The following MEIG1 variants were observed in gnomAD, a reference collection of about 807,000 sequenced individuals.
The protein encoded by MEIG1 is meiosis expressed gene 1 protein homolog.
A neutral mutation model predicts 11.3 loss-of-function variants in MEIG1; 12 were observed. The observed-to-expected ratio is 1.07, with a 90% CI of 0.68 to 1.73. MEIG1 has a LOEUF of 1.73. Among genes scored for constraint, MEIG1 ranks in the 40% most tolerant of loss-of-function variants. The probability of loss-of-function intolerance (pLI) is 0.00; values close to 1 mark genes in which losing one functional copy is unlikely to be tolerated. For synonymous variants in MEIG1, 41 were observed against 33.2 expected, an observed-to-expected ratio of 1.24 and a Z score of -0.81; for missense variants, 119 against 104.9, an observed-to-expected ratio of 1.13 and a Z score of -0.59.
chr10:14,978,362 T>G (rs1169003062), intron 1 of MEIG1, among the ~76,000 whole-genome samples: 1 of 151,968 alleles, frequency 6.6e-6, no homozygotes, highest in Non-Finnish European at 1.5e-5. Context: ...AATATCACAG[T>G]GATTGTCCAC....
At chr10:14,987,203 G>A (rs1203793393) in intron 2 of MEIG1, 111 of 960,914 alleles carry the variant, frequency 1.2e-4, no homozygotes, top group Non-Finnish European at 1.6e-4. Context: ...CTTGGGAACC[G>A]TGGCCGAAGT....
At chr10:14,969,935 AACCTT>A (rs950188281) in intron 2 of MEIG1, among the ~76,000 whole-genome samples, 2 of 152,242 alleles carry the variant, frequency 1.3e-5, no homozygotes, top group African/African-American at 4.8e-5. Context: ...AGAACAATAA[AACCTT>A]ACACAAATCG....
chr10:14,972,489 T>C (rs1286594276), intron 2 of MEIG1, 24 bp from the exon 3 acceptor site: 1 of 1,613,810 alleles, frequency 6.2e-7, no homozygotes, highest in Non-Finnish European at 8.5e-7. Context: ...TTGTAACGTT[T>C]GTACTCTGGT....
chr10:14,975,677 C>G (rs1843202354), downstream of MEIG1, among the ~76,000 whole-genome samples: 1 of 151,972 alleles, frequency 6.6e-6, no homozygotes, highest in East Asian at 1.9e-4. Flanking sequence ...CTTAATATTC[C>G]AAGGGGGAGA....
chr10:14,971,325 GT>G (rs1843147887), intron 2 of MEIG1, among the ~76,000 whole-genome samples: 1 of 151,124 alleles, frequency 6.6e-6, no homozygotes, highest in South Asian at 2.1e-4. Context: ...TAGGCCAGGA[GT>G]TTGAGACCAG....
chr10:14,978,852 T>C (rs1843237089), intron 1 of MEIG1, among the ~76,000 whole-genome samples: 1 of 152,022 alleles, frequency 6.6e-6, no homozygotes, highest in South Asian at 2.1e-4. Flanking sequence ...TCGTGGTATG[T>C]TACAACTTAT....
chr10:14,967,661 G>T (rs1400585625), intron 2 of MEIG1, among the ~76,000 whole-genome samples: 1 of 152,020 alleles, frequency 6.6e-6, no homozygotes, highest in Admixed American at 6.6e-5. Context: ...ACAACACAGG[G>T]ACTAGGGGCT....
upstream of MEIG1, among the ~76,000 whole-genome samples, chr10:14,958,027 G>A (rs766928616): frequency 1.9e-4 from 29 of 152,246 alleles, no homozygotes; most frequent in South Asian, 1.0e-3. Context: ...TGTTGGGAAC[G>A]GTTGTAATTA....
chr10:14,977,077 A>AT (rs1843217285), downstream of MEIG1, among the ~76,000 whole-genome samples: 1 of 151,920 alleles, frequency 6.6e-6, no homozygotes, highest in Non-Finnish European at 1.5e-5. Flanking sequence ...TTAATGACAC[A>AT]GGGGTGTACA....
At chr10:14,982,411 T>C (rs562426399) in intron 1 of MEIG1, among the ~76,000 whole-genome samples, 138 of 152,306 alleles carry the variant, frequency 9.1e-4, no homozygotes, top group African/African-American at 3.1e-3. Flanking sequence ...GGAGGACTCT[T>C]TGCCTTTCAT....
downstream of MEIG1, among the ~76,000 whole-genome samples, chr10:14,976,082 G>A (rs551110652): frequency 1.3e-5 from 2 of 152,244 alleles, no homozygotes; most frequent in Admixed American, 6.5e-5. Context: ...CCGCATCGCG[G>A]GGGGCGTCCG....
At chr10:14,974,597 G>A (rs1378492396), downstream of MEIG1, among the ~76,000 whole-genome samples, 1 of 151,934 alleles carries the variant, frequency 6.6e-6, no homozygotes, top group Non-Finnish European at 1.5e-5. Flanking sequence ...GACTTACCGC[G>A]ATTAATGGTA....
chr10:14,961,764 G>GGGATT (rs1843016851), intron 1 of MEIG1, among the ~76,000 whole-genome samples: 1 of 150,156 alleles, frequency 6.7e-6, no homozygotes, highest in African/African-American at 2.5e-5. Context: ...ACAGGCGTGA[G>GGGATT]CCACCGCACA....
At chr10:14,987,420 C>T (rs1211984039) in intron 2 of MEIG1, 2 of 730,638 alleles carry the variant, frequency 2.7e-6, no homozygotes, top group African/African-American at 3.5e-5. Flanking sequence ...AATTCTCAGA[C>T]ACCTGTGAGA....
chr10:14,981,995 T>C lies in MEIG1; in HGVS notation n.67-4801T>C, dbSNP rs150034784. On this transcript the variant is annotated intron_variant and non_coding_transcript_variant, in intron 1 of 2. Coordinates refer to the MEIG1 transcript ENST00000467536. ...CACCTGCTTAGCTCTTTCTCATCAT[T>C]GTGATGTATTCACCCCTGCAAGCCC... Among the ~76,000 whole-genome samples the C allele has an allele frequency of 5.4e-3, 829 of 152,320 alleles. 17 individuals are homozygous for C. Among genetic ancestry groups the C allele is most frequent in the South Asian group, 0.045 (216 of 4,820 alleles).
chr10:14,965,675 TGAGAGA>T lies in MEIG1; in HGVS notation c.-29-729_-29-724del, dbSNP rs749211535. Among the ~76,000 whole-genome samples the T allele has an allele frequency of 5.3e-3, 537 of 101,224 alleles. 4 individuals carry two copies. Among genetic ancestry groups the T allele is most frequent in the African/African-American group, 0.017 (441 of 25,608 alleles). 66.4% of individuals were successfully genotyped at this position (101,224 alleles called of 152,430 possible). On this transcript the variant is annotated intron_variant, in intron 1 of 2. Transcript: ENST00000407572. The stretch of plus-strand genomic sequence containing the variant: ...GAAGACGGGTCTTACATTCCCTTTT[TGAGAGA>T]GAGAGAGAGAGAGAGAGAGAGAGAG...
downstream of MEIG1, among the ~76,000 whole-genome samples, chr10:14,975,075 A>G (rs374144080): frequency 6.6e-5 from 10 of 152,144 alleles, no homozygotes; most frequent in Non-Finnish European, 1.0e-4. Context: ...TCTCCAGGGG[A>G]TGGCGTATGA....
At chr10:14,968,280 G>C in intron 2 of MEIG1, among the ~76,000 whole-genome samples, 1 of 152,136 alleles carries the variant, frequency 6.6e-6, no homozygotes. Flanking sequence ...TTGAGGTAAT[G>C]AGTTTGAGAC....
At chr10:14,968,568 T>G (rs909156318) in intron 2 of MEIG1, among the ~76,000 whole-genome samples, 9 of 152,144 alleles carry the variant, frequency 5.9e-5, no homozygotes, top group African/African-American at 1.9e-4. Context: ...ACTATCATGT[T>G]ATTACCTCTT....
Sources: gnomAD v4.1 joint callset for allele counts (sites outside exome capture counted in the v4.1 genomes callset) on GRCh38, gnomAD v4.1.1 for gene constraint, MANE v1.5 for transcripts, NCBI Gene and HGNC (gene_info 2026-07-23, HGNC 2026-07-21) for gene names.